Variants in CAMTA1 observed in about 807,000 individuals in gnomAD.
CAMTA1 encodes calmodulin-binding transcription activator 1.
Under a neutral mutation model 170.9 loss-of-function variants are expected in CAMTA1, and 27 were observed. The observed-to-expected ratio is 0.16, with a 90% CI of 0.12 to 0.22. The LOEUF is 0.22. Ranked by LOEUF, CAMTA1 falls within the 10% of genes least tolerant of loss-of-function variation. CAMTA1 has a pLI of 1.00. For missense variants in CAMTA1, 1,619 were observed against 2,217.2 expected (o/e 0.73, Z 5.42); for synonymous variants, 833 against 891.5 (o/e 0.93, Z 1.17).
chr1:7,340,929 C>T (rs138526599), intron 5 of CAMTA1, among the ~76,000 whole-genome samples: 102 of 152,290 alleles, frequency 6.7e-4, no homozygotes, highest in African/African-American at 2.2e-3. Context: ...AAGGAGTGAA[C>T]GCCATGATAA....
intron 6 of CAMTA1, among the ~76,000 whole-genome samples, chr1:7,536,718 A>C (rs563041619): frequency 6.6e-6 from 1 of 152,246 alleles, no homozygotes; most frequent in Non-Finnish European, 1.5e-5. Context: ...GGCTTTCTGC[A>C]CGGCAGGCGC....
intron 3 of CAMTA1, among the ~76,000 whole-genome samples, chr1:7,081,487 A>C (rs1333314329): frequency 6.6e-6 from 1 of 152,250 alleles, no homozygotes; most frequent in Non-Finnish European, 1.5e-5. Context: ...TCATCAGTAC[A>C]TGTCACTGTA....
intron 1 of CAMTA1, among the ~76,000 whole-genome samples, chr1:6,803,537 C>T (rs986021798): frequency 6.6e-6 from 1 of 152,052 alleles, no homozygotes; most frequent in African/African-American, 2.4e-5. Flanking sequence ...GCCTGCGCAC[C>T]GTTGAATTCT....
chr1:7,594,667 G>A (rs903738434), intron 6 of CAMTA1, among the ~76,000 whole-genome samples: 23 of 152,210 alleles, frequency 1.5e-4, no homozygotes, highest in Admixed American at 1.1e-3. Context: ...GGGAGAGGAG[G>A]ACAGAGGTCT....
At chr1:6,879,328 A>G (rs1301526393) in intron 3 of CAMTA1, among the ~76,000 whole-genome samples, 3 of 152,178 alleles carry the variant, frequency 2.0e-5, no homozygotes, top group African/African-American at 4.8e-5. Flanking sequence ...AAATGTGTCC[A>G]TTACTTTCTG....
chr1:6,796,558 A>AT (rs907530484), intron 1 of CAMTA1, among the ~76,000 whole-genome samples: 98 of 151,774 alleles, frequency 6.5e-4, no homozygotes, highest in African/African-American at 2.2e-3. Context: ...ATGGATTTAG[A>AT]TTTTTTTTTG....
intron 1 of CAMTA1, among the ~76,000 whole-genome samples, chr1:6,810,329 C>G (rs943326740): frequency 6.6e-6 from 1 of 152,184 alleles, no homozygotes; most frequent in Admixed American, 6.5e-5. Context: ...GCTGTTGGCC[C>G]GAGGCTACCC....
chr1:7,252,684 G>A (rs929824248), intron 5 of CAMTA1, among the ~76,000 whole-genome samples: 4 of 152,336 alleles, frequency 2.6e-5, no homozygotes, highest in South Asian at 4.1e-4. Flanking sequence ...CAGGCACGGC[G>A]CCAGCCAGCT....
chr1:7,056,990 A>G (rs1429333678), intron 3 of CAMTA1, among the ~76,000 whole-genome samples: 3 of 152,124 alleles, frequency 2.0e-5, no homozygotes, highest in Non-Finnish European at 4.4e-5. Flanking sequence ...TCCCTAGACC[A>G]TGACCTCTTC....
chr1:7,480,349 G>A (rs1240746192), intron 6 of CAMTA1, among the ~76,000 whole-genome samples: 11 of 151,720 alleles, frequency 7.3e-5, no homozygotes, highest in Admixed American at 7.2e-4. Context: ...ATATGTGCAT[G>A]TGTGTGTTTG....
intron 1 of CAMTA1, among the ~76,000 whole-genome samples, chr1:6,812,361 T>C (rs1645275098): frequency 6.6e-6 from 1 of 152,202 alleles, no homozygotes; most frequent in Non-Finnish European, 1.5e-5. Context: ...TTTGCTACCT[T>C]TTAGGATCGA....
Position 7,010,400 on chromosome 1 carries a change from C to T in CAMTA1, c.235-80904C>T, listed in dbSNP as rs1699615715. 6.6e-6 allele frequency among the ~76,000 whole-genome samples: 1 copy of T among 152,220 alleles called. No individual in the cohort carries two copies. Among genetic ancestry groups the T allele is most frequent in the South Asian group, 2.1e-4 (1 of 4,828 alleles). On this transcript the variant is annotated intron_variant, in intron 3 of 22. Transcript: ENST00000303635. This position sits in a 1 kb window ranked among gnomAD's most constrained non-coding sequence, Gnocchi z 4.4. The stretch of plus-strand genomic sequence containing the variant: ...GGGCCACGGGCTGTGGCGTCACATC[C>T]TCCAGAGCCTTCTCTGGTCACTCCC...
chr1:7,245,573 C>T (rs1036877316), intron 4 of CAMTA1, among the ~76,000 whole-genome samples: 5 of 151,954 alleles, frequency 3.3e-5, no homozygotes, highest in Admixed American at 2.6e-4. Flanking sequence ...GACCTTTTTG[C>T]CATGTTGCAC....
At chr1:6,790,472 A>T (rs999365162) in intron 1 of CAMTA1, among the ~76,000 whole-genome samples, 4 of 152,068 alleles carry the variant, frequency 2.6e-5, no homozygotes, top group Non-Finnish European at 5.9e-5. Flanking sequence ...GGTTGTTTAG[A>T]TACATGATTG....
Position 7,281,799 on chromosome 1 carries a change from T to TTGTGTG in CAMTA1, c.438+32213_438+32218dup, listed in dbSNP as rs57489369. ...TGTTGTTTATGGAAGGGGAAAGAAA[T>TTGTGTG]TGTGTGTGTGTGTGTGTGTGTGTGT... On this transcript the variant is annotated intron_variant, in intron 5 of 22. Coordinates refer to ENST00000303635, the MANE Select transcript of CAMTA1 (RefSeq NM_015215.4). 9.1e-3 allele frequency among the ~76,000 whole-genome samples: 1,272 copies of TTGTGTG among 139,268 alleles called. 10 individuals are homozygous for TTGTGTG. The highest frequency in any genetic ancestry group is 0.013 in the Non-Finnish European group (834 of 64,516). 91.4% of individuals were successfully genotyped at this position (139,268 alleles called of 152,430 possible). A position where few individuals can be genotyped will look rare whatever the true frequency, so the allele number is the denominator to read the frequency against.
At chr1:7,068,269 G>A (rs72640058) in intron 3 of CAMTA1, among the ~76,000 whole-genome samples, 11,838 of 151,920 alleles carry the variant, frequency 0.078, 469 homozygotes, top group East Asian at 0.17. Flanking sequence ...ACACAAGTAC[G>A]TTCTTTTCTA....
intron 4 of CAMTA1, among the ~76,000 whole-genome samples, chr1:7,119,064 T>C (rs1035792519): frequency 3.3e-5 from 5 of 152,210 alleles, no homozygotes; most frequent in Admixed American, 3.3e-4. Flanking sequence ...CAGCCTGGGG[T>C]CTGGAGAGCA....
chr1:7,340,012 G>A (rs763169), intron 5 of CAMTA1, among the ~76,000 whole-genome samples: 2 of 152,158 alleles, frequency 1.3e-5, no homozygotes, highest in Non-Finnish European at 2.9e-5. Context: ...TAGGGCCCCA[G>A]ACAACACTCT....
intron 3 of CAMTA1, among the ~76,000 whole-genome samples, chr1:6,875,683 C>T (rs751192401): frequency 6.6e-6 from 1 of 152,134 alleles, no homozygotes; most frequent in African/African-American, 2.4e-5. Context: ...CTCTGTCATA[C>T]ATGTGTCACT....
Sources: allele counts gnomAD v4.1 joint callset (sites outside exome capture counted in the v4.1 genomes callset), GRCh38; gene constraint gnomAD v4.1.1; non-coding constraint Gnocchi (gnomAD v3.1); transcripts MANE v1.5; gene names NCBI Gene and HGNC (gene_info 2026-07-23, HGNC 2026-07-21).